The following LRIF1 variants were observed in gnomAD, a reference collection of about 807,000 sequenced individuals.
LRIF1 encodes the protein ligand dependent nuclear receptor interacting factor 1, also known as ligand-dependent nuclear receptor-interacting factor 1.
LRIF1 carries 32 observed loss-of-function variants against 52.7 expected under a neutral mutation model. The observed-to-expected ratio is 0.61, with a 90% confidence interval of 0.46 to 0.82. LRIF1 has a LOEUF of 0.82. LRIF1 is among the 40% of genes least tolerant of loss of function. LRIF1 has a pLI of 0.00. For missense variants in LRIF1, 887 were observed against 892.0 expected (o/e 0.99, Z 0.07); for synonymous variants, 323 against 317.4 (o/e 1.02, Z -0.19).
chr1:110,896,773 T>C, the LRIF1 span: 2 of 1,537,034 alleles, frequency 1.3e-6, no homozygotes, highest in Non-Finnish European at 1.8e-6. Context: ...GACCTCTTTG[T>C]TTAAATGTTT....
chr1:110,934,312 A>G, the LRIF1 span, among the ~76,000 whole-genome samples: 4,164 of 152,256 alleles, frequency 0.027, 184 homozygotes, highest in African/African-American at 0.095. Flanking sequence ...AGAAAAGCAG[A>G]AGGAAAAGTA....
Position 110,952,720 on chromosome 1 carries a change from A to G in LRIF1, c.164T>C (p.Leu55Pro). 1 of 1,614,054 alleles carries G rather than the reference A, an allele frequency of 6.2e-7. No individual in the cohort carries two copies. Among genetic ancestry groups the G allele is most frequent in the Non-Finnish European group, 8.5e-7 (1 of 1,179,952 alleles). ...GACTGAAGATTGAACTAGTGGTATA[A>G]GATTTCCAGAAGACTTAGGAATTGG... is the stretch of plus-strand genomic sequence containing the variant. ...LLPIPKSSGN[L>P]IPLVQSSVMS... Residue 55 changes from leucine (L) to proline (P), a missense_variant, in exon 2 of 4, where the codon CTT becomes CCT. Leu to Pro is a moderately conservative substitution (Grantham distance 98). Coordinates refer to ENST00000369763, the MANE Select transcript of LRIF1 (RefSeq NM_018372.4).
the LRIF1 span, chr1:110,894,350 C>A: frequency 6.2e-7 from 1 of 1,614,034 alleles, no homozygotes. Context: ...TGCTGATTAT[C>A]CTCCTTGCTG....
At chr1:110,924,225 A>G in the LRIF1 span, among the ~76,000 whole-genome samples, 1 of 152,200 alleles carries the variant, frequency 6.6e-6, no homozygotes, top group Admixed American at 6.5e-5. Flanking sequence ...TCAATAATCA[A>G]AAATATTATC....
chr1:110,957,449 C>T (rs1482630410), intron 1 of LRIF1, among the ~76,000 whole-genome samples: 9 of 90,772 alleles, frequency 9.9e-5, no homozygotes, highest in African/African-American at 2.5e-4. Context: ...CCAGCCTGGG[C>T]GACAAAGCAA....
the LRIF1 span, among the ~76,000 whole-genome samples, chr1:110,888,398 T>C: frequency 1.3e-5 from 2 of 152,134 alleles, no homozygotes. Flanking sequence ...CCCTCTATGC[T>C]CCATGGTTTG....
At chr1:110,915,609 T>C in the LRIF1 span, among the ~76,000 whole-genome samples, 1 of 152,170 alleles carries the variant, frequency 6.6e-6, no homozygotes, top group Non-Finnish European at 1.5e-5. Context: ...AGAAAGTCAC[T>C]ATCATAAAGT....
the LRIF1 span, among the ~76,000 whole-genome samples, chr1:110,917,423 A>G: frequency 2.0e-5 from 3 of 152,198 alleles, no homozygotes; most frequent in Non-Finnish European, 4.4e-5. Flanking sequence ...GTAACAAGTT[A>G]TGTGTGTATT....
At chr1:110,948,799 A>C (rs1003916870) in intron 3 of LRIF1, among the ~76,000 whole-genome samples, 9 of 152,256 alleles carry the variant, frequency 5.9e-5, no homozygotes, top group Non-Finnish European at 1.2e-4. Flanking sequence ...AGAATATTAC[A>C]TGATAATGAC....
Position 110,947,745 on chromosome 1 carries a change from G to C in LRIF1, c.*214C>G. On this transcript the variant is annotated 3_prime_UTR_variant, in exon 4 of 4. Transcript: ENST00000369763. ...TATAAAATTTATCCTTCCAAAAAAAGGTATCTAAGACAAAGGTATAGATAC... is the reference window on the plus strand; with the variant it reads ...TATAAAATTTATCCTTCCAAAAAAACGTATCTAAGACAAAGGTATAGATAC... 2.4e-6 allele frequency: 1 copy of C among 423,254 alleles called. No individual in the cohort carries two copies. Among genetic ancestry groups the C allele is most frequent in the Non-Finnish European group, 4.0e-6 (1 of 253,022 alleles). The allele number at this position is 423,254 out of a possible 1,614,324, so 26.2% of individuals were successfully genotyped here.
chr1:110,958,959 CTTCT>C (rs1658833443), intron 1 of LRIF1, among the ~76,000 whole-genome samples: 1 of 152,134 alleles, frequency 6.6e-6, no homozygotes, highest in African/African-American at 2.4e-5. Context: ...ATTCGTACTC[CTTCT>C]ATCAATATAC....
At chr1:110,933,474 C>T in the LRIF1 span, among the ~76,000 whole-genome samples, 2 of 152,276 alleles carry the variant, frequency 1.3e-5, no homozygotes, top group South Asian at 4.1e-4. Context: ...ACCACCCCTC[C>T]CCAAACCCCC....
the LRIF1 span, chr1:110,894,289 G>A: frequency 1.3e-6 from 2 of 1,579,196 alleles, no homozygotes; most frequent in African/African-American, 1.3e-5. Flanking sequence ...GACGAGAATG[G>A]GGATCAGTGC....
the LRIF1 span, chr1:110,899,233 T>C: frequency 1.4e-6 from 2 of 1,464,472 alleles, no homozygotes; most frequent in African/African-American, 1.4e-5. Flanking sequence ...TTGTTTCATC[T>C]CCGGAAATGC....
At chr1:110,911,162 TTA>T in the LRIF1 span, among the ~76,000 whole-genome samples, 1 of 151,784 alleles carries the variant, frequency 6.6e-6, no homozygotes, top group African/African-American at 2.4e-5. Flanking sequence ...ATGATAAAGT[TTA>T]TGCTACCCTC....
chr1:110,957,181 G>A (rs1658733934), intron 1 of LRIF1, among the ~76,000 whole-genome samples: 1 of 151,810 alleles, frequency 6.6e-6, no homozygotes, highest in South Asian at 2.1e-4. Context: ...CAATTCGCCA[G>A]GTGCGGTGGC....
chr1:110,956,148 A>C (rs757149005), intron 1 of LRIF1, among the ~76,000 whole-genome samples: 22 of 152,218 alleles, frequency 1.4e-4, no homozygotes, highest in Non-Finnish European at 2.6e-4. Flanking sequence ...GAGGATAATC[A>C]AAGATTGGAA....
chr1:110,905,965 T>C, the LRIF1 span, among the ~76,000 whole-genome samples: 1 of 152,232 alleles, frequency 6.6e-6, no homozygotes, highest in African/African-American at 2.4e-5. Context: ...TAAGTTGTTA[T>C]CAGGTTAAAA....
chr1:110,910,043 G>A, the LRIF1 span, among the ~76,000 whole-genome samples: 59 of 152,106 alleles, frequency 3.9e-4, no homozygotes, highest in Non-Finnish European at 8.1e-4. Context: ...CACGCTCTTA[G>A]AGACCTACCA....
Sources: allele counts gnomAD v4.1 joint callset (sites outside exome capture counted in the v4.1 genomes callset), GRCh38; gene constraint gnomAD v4.1.1; transcripts MANE v1.5; gene names NCBI Gene and HGNC (gene_info 2026-07-23, HGNC 2026-07-21).